Variants in MUC12 observed in about 807,000 individuals in gnomAD.
MUC12 encodes the protein mucin-12.
In MUC12, 172 loss-of-function variants were observed where a neutral mutation model predicts 230.8. The observed-to-expected ratio is 0.75, with a 90% CI of 0.66 to 0.85. MUC12 has a LOEUF of 0.85. Ranked by LOEUF, MUC12 falls within the 40% of genes least tolerant of loss-of-function variation. The probability of loss-of-function intolerance (pLI) is 0.00; values close to 1 mark genes in which losing one functional copy is unlikely to be tolerated. For synonymous variants in MUC12, 1,259 were observed against 2,401.9 expected (o/e 0.52, Z 13.91); for missense variants, 3,506 against 5,920.6 (o/e 0.59, Z 13.38).
chr7:101,007,290 T>G (rs1263884037), intron 3 of MUC12, among the ~76,000 whole-genome samples: 2 of 152,304 alleles, frequency 1.3e-5, no homozygotes, highest in Non-Finnish European at 2.9e-5. Flanking sequence ...TCAATTAAAT[T>G]ATTATTGACT....
rs753222181 is a variant in MUC12, at chr7:101,014,022, G to C, written c.15748G>C (p.Ala5250Pro). 6.5e-7 allele frequency: 1 copy of C among 1,536,890 alleles called. No individual in the cohort carries two copies. The highest frequency in any genetic ancestry group is 8.7e-7 in the Non-Finnish European group (1 of 1,146,730). ...GGCTGTGATGGCGGTGCTGCTGCTC[G>C]CATTGATCATCCTAATCATCTTATT... ...VGAVMAVLLL[A>P]LIILIILFSL... Residue 5250 changes from alanine (A) to proline (P), a missense_variant, in exon 9 of 12, where the codon GCA becomes CCA. Ala to Pro is a conservative substitution (Grantham distance 27). Coordinates refer to ENST00000536621, the MANE Select transcript of MUC12 (RefSeq NM_001164462.2).
Position 100,991,984 on chromosome 7 carries a change from C to T in MUC12, c.1421C>T (p.Ser474Leu), listed in dbSNP as rs1337862346. 1.3e-6 allele frequency: 2 copies of T among 1,537,868 alleles called. No homozygotes were observed. Among genetic ancestry groups the T allele is most frequent in the African/African-American group, 1.4e-5 (1 of 73,046 alleles). ...DSTPSPISSG[S>L]METTALPGST... ...ACGCCCTCACCCATCAGTTCAGGCT[C>T]AATGGAAACCACAGCGTTACCCGGC... Residue 474 changes from serine (S) to leucine (L), a missense_variant, in exon 2 of 12, where the codon TCA becomes TTA. Coordinates refer to ENST00000536621, the MANE Select transcript of MUC12 (RefSeq NM_001164462.2).
rs368216080 is a variant in MUC12 at position 101,003,377 on chromosome 7, T to C, written c.12814T>C (p.Ser4272Pro). The C allele has an allele frequency of 4.6e-6, 7 of 1,523,924 alleles. No individual in the cohort carries two copies. The highest frequency in any genetic ancestry group is 2.6e-6 in the Non-Finnish European group (3 of 1,141,782). The allele number at this position is 1,523,924 out of a possible 1,614,324, so 94.4% of individuals were successfully genotyped here. Residue 4272 changes from serine (S) to proline (P), a missense_variant, in exon 2 of 12, where the codon TCT becomes CCT. Transcript: ENST00000536621. ...CACAGCATCATCCCTTGGTCCAGAA[T>C]CTACTACCTTCCACAGCAGCCCAGG... The part of the protein sequence containing the change: ...STTASSLGPE[S>P]TTFHSSPGST...
In MUC12 at chr7:101,002,882, T is replaced by A. The variant is rs200736809; in HGVS notation, c.12319T>A (p.Tyr4107Asn). ...TAVPVEVSTTYHSRPSSTPTT... is the reference protein window; with the variant it reads ...TAVPVEVSTTNHSRPSSTPTT... Reference sequence around the variant, plus strand: ...AGTCCCTGTTGAAGTATCCACAACCTACCACAGCCGCCCGAGCTCAACTCC... The same window carrying A: ...AGTCCCTGTTGAAGTATCCACAACCAACCACAGCCGCCCGAGCTCAACTCC... The change falls in exon 2 of 12, where the codon TAC (tyrosine) becomes AAC (asparagine). Residue 4107 changes from tyrosine to asparagine, a missense_variant. Tyr to Asn is a moderately radical substitution (Grantham distance 143). Coordinates refer to ENST00000536621, the MANE Select transcript of MUC12 (RefSeq NM_001164462.2). 5.3e-4 allele frequency: 620 copies of A among 1,177,044 alleles called. 175 individuals carry two copies. The highest frequency in any genetic ancestry group is 5.7e-4 in the Non-Finnish European group (482 of 849,688). The allele number at this position is 1,177,044 out of a possible 1,614,324, so 72.9% of individuals were successfully genotyped here.
At chr7:101,007,479 C>A (rs1020408422) in intron 3 of MUC12, among the ~76,000 whole-genome samples, 21 of 152,200 alleles carry the variant, frequency 1.4e-4, no homozygotes, top group African/African-American at 4.1e-4. Context: ...CTTTTAGATT[C>A]CACTAACAAG....
At position 101,005,545 on chromosome 7, in the gene MUC12, G is replaced by A. The variant is rs752129176; in HGVS notation, c.14956+26G>A. ...GTACTGCTCTTTCCATTTCATCCAC[G>A]TTTAGCTTCTTCTCCAGGCCTGTCC... is the stretch of plus-strand genomic sequence containing the variant. On this transcript the variant is annotated intron_variant, in intron 2 of 11. Transcript: ENST00000536621. 3.0e-5 allele frequency: 46 copies of A among 1,520,424 alleles called. 1 individual carries two copies. In the South Asian group the frequency reaches 3.9e-4, roughly 13 times the overall value. The allele number at this position is 1,520,424 out of a possible 1,614,324, so 94.2% of individuals were successfully genotyped here.
intron 9 of MUC12, chr7:101,015,063 T>C (rs1228863473): frequency 6.4e-6 from 1 of 155,338 alleles, no homozygotes; most frequent in African/African-American, 2.4e-5. Context: ...TCAGCATTGC[T>C]GCCTTGGGGA....
At chr7:100,981,642 G>C in intron 1 of MUC12, 1 of 412,706 alleles carries the variant, frequency 2.4e-6, no homozygotes, top group Non-Finnish European at 4.3e-6. Flanking sequence ...AGATGTGAGT[G>C]GTTAAGGACA....
In MUC12 at chr7:100,993,951, A is replaced by C. The variant is rs563334052; in HGVS notation, c.3388A>C (p.Thr1130Pro). Residue 1130 changes from threonine (T) to proline (P), a missense_variant, in exon 2 of 12, where the codon ACC (threonine) becomes CCC (proline). Thr to Pro is a conservative substitution (Grantham distance 38). Coordinates refer to ENST00000536621, the MANE Select transcript of MUC12 (RefSeq NM_001164462.2). Reference protein sequence around the residue: ...MTSLGVGEESTTSRSQPGSTH... With the variant: ...MTSLGVGEESPTSRSQPGSTH... ...AAGCCTGGGCGTCGGTGAAGAATCC[A>C]CCACCTCCCGTAGCCAACCAGGTTC... 2.9e-6 allele frequency: 4 copies of C among 1,397,944 alleles called. 2 individuals carry two copies. The East Asian group carries it at 1.3e-4, about 44-fold the overall frequency. The allele number at this position is 1,397,944 out of a possible 1,614,324, so 86.6% of individuals were successfully genotyped here. A position where few individuals can be genotyped will look rare whatever the true frequency, so the allele number is the denominator to read the frequency against.
At position 100,995,451 on chromosome 7, in the gene MUC12, C is replaced by T. The variant is rs559650211; in HGVS notation, c.4888C>T (p.Pro1630Ser). 3.3e-6 allele frequency: 5 copies of T among 1,531,410 alleles called. No homozygotes were observed. The East Asian group carries it at 1.2e-4, about 37-fold the overall frequency. 94.9% of individuals were successfully genotyped at this position (1,531,410 alleles called of 1,614,324 possible). A position where few individuals can be genotyped will look rare whatever the true frequency, so the allele number is the denominator to read the frequency against. Residue 1630 changes from proline to serine, a missense_variant, in exon 2 of 12, where the codon CCA becomes TCA. By Grantham distance (74) the Pro-to-Ser change is moderately conservative (BLOSUM62 -1). Coordinates refer to ENST00000536621, the MANE Select transcript of MUC12 (RefSeq NM_001164462.2). Reference sequence around the variant, plus strand: ...CAGTACCACAGCATCATCCCTTGGTCCAGAATCTACTACTTTCCACAGCAG... The same window carrying T: ...CAGTACCACAGCATCATCCCTTGGTTCAGAATCTACTACTTTCCACAGCAG... Reference protein sequence around the residue: ...PGSTTASSLGPESTTFHSSPG... With the variant: ...PGSTTASSLGSESTTFHSSPG...
chr7:100,991,093 C>T lies in MUC12; in HGVS notation c.530C>T (p.Thr177Ile). ...TSHSRPGPTHTIAFPDSTTMP... is the reference protein window; with the variant it reads ...TSHSRPGPTHIIAFPDSTTMP... ...CACAGCCGACCAGGCCCAACGCACA[C>T]AATAGCGTTCCCTGACAGTACCACC... is the stretch of plus-strand genomic sequence containing the variant. The change falls in exon 2 of 12, where the codon ACA becomes ATA. Residue 177 changes from threonine (T) to isoleucine (I), a missense_variant. Physicochemically the swap from Thr to Ile is moderately conservative, Grantham distance 89. Transcript: ENST00000536621. 1 of 1,537,664 alleles carries T rather than the reference C, an allele frequency of 6.5e-7. No homozygotes were observed. The highest frequency in any genetic ancestry group is 8.7e-7 in the Non-Finnish European group (1 of 1,146,862).
In MUC12 at chr7:101,004,742, A is replaced by C; in HGVS notation, c.14179A>C (p.Ser4727Arg). 2 of 1,536,952 alleles carry C rather than the reference A, an allele frequency of 1.3e-6. No individual in the cohort carries two copies. The highest frequency in any genetic ancestry group is 1.7e-6 in the Non-Finnish European group (2 of 1,146,358). ...AGGCTCAATGGAAACAACATTAGCC[A>C]GCACTGCCACAACACCAGGCCTCAG... ...SPGSMETTLASTATTPGLSAK... is the reference protein window; with the variant it reads ...SPGSMETTLARTATTPGLSAK... Residue 4727 changes from serine (S) to arginine (R), a missense_variant, in exon 2 of 12, where the codon AGC becomes CGC. Ser to Arg is a moderately radical substitution (Grantham distance 110). Transcript: ENST00000536621.
rs1793265229 is a variant in MUC12, at chr7:100,990,621, C to G, written c.68-10C>G. On this transcript the variant is annotated splice_polypyrimidine_tract_variant and intron_variant, in intron 1 of 11. Transcript: ENST00000536621. ...TCATAGCACTTTCTCTGGTTTCTCT[C>G]AAATCACAGGCTCAACAGTAAACAC... The G allele has an allele frequency of 3.3e-6, 5 of 1,537,208 alleles. No homozygotes were observed. The highest frequency in any genetic ancestry group is 4.4e-6 in the Non-Finnish European group (5 of 1,146,910).
chr7:100,991,313 G>A lies in MUC12; in HGVS notation c.750G>A (p.Thr250=), dbSNP rs1444006646. 35 of 1,536,780 alleles carry A rather than the reference G, an allele frequency of 2.3e-5. No homozygotes were observed. The highest frequency in any genetic ancestry group is 6.0e-5 in the South Asian group (5 of 84,000). ...CCTCAGGCCTCCTTGAAGCATCTACGCCCGTCCACAGCAGCACTGGATCGC... is the reference window on the plus strand; with the variant it reads ...CCTCAGGCCTCCTTGAAGCATCTACACCCGTCCACAGCAGCACTGGATCGC... ...TTTSGLLEAS[T]PVHSSTGSPH... is the part of the protein sequence containing the mutation. Residue 250 remains threonine, a synonymous_variant, in exon 2 of 12, where the codon ACG becomes ACA. Transcript: ENST00000536621.
rs367914707 is a variant in MUC12 at position 100,995,602 on chromosome 7, C to G, written c.5039C>G (p.Thr1680Arg). 3.9e-6 allele frequency: 6 copies of G among 1,537,004 alleles called. No individual in the cohort carries two copies. Among genetic ancestry groups the G allele is most frequent in the Admixed American group, 2.0e-5 (1 of 50,966 alleles). ...ACAACACTGTCCCCTGCCGGCTCTA[C>G]AACACGTCAGGGAGAATCTACCACC... ...PHTTLSPAGS[T>R]TRQGESTTFQ... Residue 1680 changes from threonine to arginine, a missense_variant, in exon 2 of 12, where the codon ACA (threonine) becomes AGA (arginine). Coordinates refer to ENST00000536621, the MANE Select transcript of MUC12 (RefSeq NM_001164462.2).
At chr7:100,989,414 T>C (rs1793244573) in intron 1 of MUC12, among the ~76,000 whole-genome samples, 1 of 151,938 alleles carries the variant, frequency 6.6e-6, no homozygotes, top group Admixed American at 6.6e-5. Flanking sequence ...GCCTTGGGTA[T>C]GTTTTTATCA....
chr7:100,989,652 A>C (rs1045231921), intron 1 of MUC12, among the ~76,000 whole-genome samples: 1 of 152,066 alleles, frequency 6.6e-6, no homozygotes, highest in African/African-American at 2.4e-5. Flanking sequence ...CTCCACAACC[A>C]TACAGATATG....
In MUC12 at chr7:100,991,757, T is replaced by C; in HGVS notation, c.1194T>C (p.Ser398=). ...TFHGSTTHTK[S]STPSTTAALA... Reference sequence around the variant, plus strand: ...ACGGCAGCACAACACACACAAAATCTTCAACTCCTAGCACCACAGCTGCCC... The same window carrying C: ...ACGGCAGCACAACACACACAAAATCCTCAACTCCTAGCACCACAGCTGCCC... The change falls in exon 2 of 12, where the codon TCT becomes TCC. Residue 398 remains serine (S), a synonymous_variant. Coordinates refer to ENST00000536621, the MANE Select transcript of MUC12 (RefSeq NM_001164462.2). 3 of 1,537,862 alleles carry C rather than the reference T, an allele frequency of 2.0e-6. No homozygotes were observed. Among genetic ancestry groups the C allele is most frequent in the Non-Finnish European group, 2.6e-6 (3 of 1,147,050 alleles).
Position 100,992,010 on chromosome 7 carries a change from A to T in MUC12, c.1447A>T (p.Ser483Cys), listed in dbSNP as rs370794930. The change falls in exon 2 of 12, where the codon AGT (serine) becomes TGT (cysteine). Residue 483 changes from serine (S) to cysteine (C), a missense_variant. Coordinates refer to ENST00000536621, the MANE Select transcript of MUC12 (RefSeq NM_001164462.2). ...GSMETTALPG[S>C]TTKPGLSEKS... ...AATGGAAACCACAGCGTTACCCGGCAGTACCACAAAACCAGGCCTCAGTGA... is the reference window on the plus strand; with the variant it reads ...AATGGAAACCACAGCGTTACCCGGCTGTACCACAAAACCAGGCCTCAGTGA... The T allele has an allele frequency of 8.6e-5, 132 of 1,537,678 alleles. No individual in the cohort carries two copies. The highest frequency in any genetic ancestry group is 1.7e-4 in the Middle Eastern group (1 of 6,018).
Sources: allele counts gnomAD v4.1 joint callset (sites outside exome capture counted in the v4.1 genomes callset), GRCh38; gene constraint gnomAD v4.1.1; transcripts MANE v1.5; gene names NCBI Gene and HGNC (gene_info 2026-07-23, HGNC 2026-07-21).